Variants in LINGO2 observed in about 807,000 individuals in gnomAD.
LINGO2 encodes leucine-rich repeat and immunoglobulin-like domain-containing nogo receptor-interacting protein 2.
LINGO2 carries 14 observed loss-of-function variants against 30.6 expected under a neutral mutation model. The ratio of observed to expected loss-of-function variants is 0.46; its 90% CI spans 0.30 to 0.72. The LOEUF (loss-of-function observed/expected upper bound fraction) is 0.72, where lower values mean the gene tolerates loss of function less well. Ranked by LOEUF, LINGO2 falls within the 30% of genes least tolerant of loss-of-function variation. The probability of loss-of-function intolerance (pLI) is 0.07; values close to 1 mark genes in which losing one functional copy is unlikely to be tolerated. For synonymous variants in LINGO2, 317 were observed against 288.5 expected (o/e 1.10, Z -1.00); for missense variants, 729 against 751.7 (o/e 0.97, Z 0.35).
chr9:28,007,542 T>C (rs1310701256), intron 5 of LINGO2, among the ~76,000 whole-genome samples: 1 of 152,200 alleles, frequency 6.6e-6, no homozygotes, highest in Non-Finnish European at 1.5e-5. Flanking sequence ...AATATTAAAA[T>C]GGCTCTATTG....
the LINGO2 span, among the ~76,000 whole-genome samples, chr9:28,926,527 G>C: frequency 1.3e-5 from 2 of 152,070 alleles, no homozygotes; most frequent in Admixed American, 1.3e-4. Flanking sequence ...AGGAAGCCTG[G>C]TTTGCAAAAC....
intron 1 of LINGO2, among the ~76,000 whole-genome samples, chr9:28,533,104 C>T (rs1821298117): frequency 6.6e-6 from 1 of 151,978 alleles, no homozygotes; most frequent in South Asian, 2.1e-4. Flanking sequence ...ATCTAATCAG[C>T]TGCCAGCACG....
chr9:28,771,966 C>A, the LINGO2 span, among the ~76,000 whole-genome samples: 6 of 152,084 alleles, frequency 3.9e-5, no homozygotes, highest in Non-Finnish European at 5.9e-5. Flanking sequence ...TAACTGAATG[C>A]CGTAGGAAGA....
chr9:28,740,025 G>A, the LINGO2 span, among the ~76,000 whole-genome samples: 1 of 151,080 alleles, frequency 6.6e-6, no homozygotes, highest in South Asian at 2.1e-4. Flanking sequence ...TTAGGAGTGT[G>A]TTGTTTAATT....
At chr9:29,145,626 G>C in the LINGO2 span, among the ~76,000 whole-genome samples, 2 of 152,040 alleles carry the variant, frequency 1.3e-5, no homozygotes, top group East Asian at 3.9e-4. Flanking sequence ...TCATGACATA[G>C]AAACAATTTT....
intron 1 of LINGO2, among the ~76,000 whole-genome samples, chr9:28,661,247 T>C (rs528762586): frequency 1.3e-5 from 2 of 152,300 alleles, no homozygotes; most frequent in Non-Finnish European, 2.9e-5. Context: ...TGTGAATTTG[T>C]CTAAGCTACC....
chr9:28,856,517 A>G, the LINGO2 span, among the ~76,000 whole-genome samples: 2 of 151,998 alleles, frequency 1.3e-5, no homozygotes, highest in Non-Finnish European at 2.9e-5. Flanking sequence ...TGAAGACTGA[A>G]GAATGGGTAA....
chr9:29,082,431 A>G, the LINGO2 span, among the ~76,000 whole-genome samples: 1 of 152,206 alleles, frequency 6.6e-6, no homozygotes, highest in Non-Finnish European at 1.5e-5. Flanking sequence ...AAATTAATTC[A>G]AGATGGCTTA....
chr9:29,185,892 T>A, the LINGO2 span, among the ~76,000 whole-genome samples: 1 of 152,064 alleles, frequency 6.6e-6, no homozygotes, highest in Non-Finnish European at 1.5e-5. Flanking sequence ...CTGAAAGTAA[T>A]CCAAAAAAGA....
intron 3 of LINGO2, among the ~76,000 whole-genome samples, chr9:28,323,257 A>G (rs1362823867): frequency 6.6e-6 from 1 of 152,208 alleles, no homozygotes; most frequent in Admixed American, 6.5e-5. Context: ...CACATTCTGT[A>G]GGCAAATTCT....
the LINGO2 span, among the ~76,000 whole-genome samples, chr9:28,900,439 G>A: frequency 5.3e-5 from 8 of 152,114 alleles, no homozygotes; most frequent in Non-Finnish European, 1.2e-4. Flanking sequence ...AGACTTTATG[G>A]ATACAGGCTC....
rs150581080 is a variant in LINGO2, at chr9:28,563,371, T to C, written c.-364-87346A>G. Among the ~76,000 whole-genome samples the C allele has an allele frequency of 9.7e-3, 1,474 of 152,234 alleles. 7 individuals are homozygous for C. Among genetic ancestry groups the C allele is most frequent in the Middle Eastern group, 0.024 (7 of 294 alleles). On this transcript the variant is annotated intron_variant, in intron 1 of 5. Transcript: ENST00000379992. ...TAACGACAAATCTAGAATATCAGGG[T>C]TTCTGTACTTAGTGACCAGAAGTCA...
At chr9:29,150,304 G>T in the LINGO2 span, among the ~76,000 whole-genome samples, 3 of 152,118 alleles carry the variant, frequency 2.0e-5, no homozygotes, top group South Asian at 2.1e-4. Context: ...CGATGAAATG[G>T]ACAACAGTCT....
At chr9:29,175,603 T>G in the LINGO2 span, among the ~76,000 whole-genome samples, 1 of 147,732 alleles carries the variant, frequency 6.8e-6, no homozygotes, top group Non-Finnish European at 1.5e-5. Flanking sequence ...CTCGGCTCAC[T>G]GCAACCTCCA....
the LINGO2 span, among the ~76,000 whole-genome samples, chr9:28,834,747 C>T: frequency 6.6e-6 from 1 of 152,096 alleles, no homozygotes; most frequent in African/African-American, 2.4e-5. Flanking sequence ...TCCCAATCTG[C>T]CATTGAGCTG....
chr9:28,216,154 A>G (rs922709043), intron 4 of LINGO2, among the ~76,000 whole-genome samples: 1 of 151,916 alleles, frequency 6.6e-6, no homozygotes, highest in African/African-American at 2.4e-5. Context: ...TGTTAGTGGA[A>G]TGCATAAATG....
the LINGO2 span, among the ~76,000 whole-genome samples, chr9:28,702,558 G>C: frequency 2.6e-5 from 4 of 151,670 alleles, no homozygotes; most frequent in South Asian, 8.3e-4. Context: ...GAGGATTTTT[G>C]CATTTATCTT....
chr9:28,824,355 A>G, the LINGO2 span, among the ~76,000 whole-genome samples: 1 of 152,180 alleles, frequency 6.6e-6, no homozygotes, highest in East Asian at 1.9e-4. Flanking sequence ...CCCAATTAGT[A>G]GGCACATGAT....
chr9:28,671,101 T>A (rs1409030204), upstream of LINGO2, among the ~76,000 whole-genome samples: 1 of 152,074 alleles, frequency 6.6e-6, no homozygotes, highest in Non-Finnish European at 1.5e-5. Context: ...TACACAAATA[T>A]GTAGGGTGAT....
Sources: allele counts gnomAD v4.1 joint callset (sites outside exome capture counted in the v4.1 genomes callset), GRCh38; gene constraint gnomAD v4.1.1; transcripts MANE v1.5; gene names NCBI Gene and HGNC (gene_info 2026-07-23, HGNC 2026-07-21).